Variants in PXDNL observed in about 807,000 individuals in gnomAD.
PXDNL encodes peroxidasin like.
In PXDNL, 145 loss-of-function variants were observed where a neutral mutation model predicts 150.8. That is an observed-to-expected ratio of 0.96 (90% CI 0.84 to 1.10). The LOEUF (loss-of-function observed/expected upper bound fraction) is 1.10. Among genes scored for constraint, PXDNL ranks in the 50% least tolerant of loss-of-function variants. The probability of loss-of-function intolerance (pLI) is 0.00; values close to 1 mark genes in which losing one functional copy is unlikely to be tolerated. For synonymous variants in PXDNL, 757 were observed against 725.7 expected, an observed-to-expected ratio of 1.04 and a Z score of -0.69; for missense variants, 2,087 against 1,873.9, an observed-to-expected ratio of 1.11 and a Z score of -2.10.
At chr8:51,701,759 A>G (rs1816262935) in intron 1 of PXDNL, among the ~76,000 whole-genome samples, 1 of 152,296 alleles carries the variant, frequency 6.6e-6, no homozygotes, top group Admixed American at 6.5e-5. Context: ...AATAAAGGGA[A>G]GTTGAGATAC....
At chr8:51,734,040 A>C (rs1816987074) in intron 1 of PXDNL, among the ~76,000 whole-genome samples, 1 of 151,962 alleles carries the variant, frequency 6.6e-6, no homozygotes, top group East Asian at 1.9e-4. Flanking sequence ...TGTATCTTTC[A>C]AGCTGAGGAA....
intron 1 of PXDNL, among the ~76,000 whole-genome samples, chr8:51,686,266 G>T (rs1815869477): frequency 6.6e-6 from 1 of 152,196 alleles, no homozygotes; most frequent in Non-Finnish European, 1.5e-5. Context: ...CCAAAGCAAT[G>T]GCTTGGCATG....
intron 1 of PXDNL, among the ~76,000 whole-genome samples, chr8:51,662,714 G>A (rs575723853): frequency 1.3e-5 from 2 of 152,092 alleles, no homozygotes; most frequent in Non-Finnish European, 2.9e-5. Context: ...GAACAGCTAC[G>A]GATTTTGATA....
chr8:51,786,838 G>T (rs1020158674), intron 1 of PXDNL, among the ~76,000 whole-genome samples: 6 of 152,148 alleles, frequency 3.9e-5, no homozygotes, highest in Non-Finnish European at 7.4e-5. Context: ...TAAGACTTTT[G>T]TAGCAAGAAA....
At chr8:51,589,745 C>T (rs1165208052) in intron 3 of PXDNL, among the ~76,000 whole-genome samples, 1 of 152,018 alleles carries the variant, frequency 6.6e-6, no homozygotes, top group Non-Finnish European at 1.5e-5. Context: ...TAACCACATG[C>T]ATTGAGAAGC....
intron 2 of PXDNL, among the ~76,000 whole-genome samples, chr8:51,649,164 T>C (rs796409497): frequency 5.9e-5 from 9 of 152,232 alleles, no homozygotes; most frequent in African/African-American, 2.2e-4. Flanking sequence ...GAAACCTCTT[T>C]GGCTGGTAAC....
intron 21 of PXDNL, among the ~76,000 whole-genome samples, chr8:51,325,597 G>A (rs533905090): frequency 6.6e-6 from 1 of 152,246 alleles, no homozygotes; most frequent in African/African-American, 2.4e-5. Context: ...ATCACCCCCT[G>A]GTAAATGGAG....
rs186425919 is a variant in PXDNL at position 51,625,702 on chromosome 8, G to A, written c.236+28987C>T. Among the ~76,000 whole-genome samples, 35 of 152,262 alleles carry A rather than the reference G, an allele frequency of 2.3e-4. 1 individual carries two copies. In the South Asian group the frequency reaches 2.7e-3, roughly 12 times the overall value. On this transcript the variant is annotated intron_variant, in intron 2 of 22. Coordinates refer to ENST00000356297, the MANE Select transcript of PXDNL (RefSeq NM_144651.5). Reference sequence around the variant, plus strand: ...AAGTTGGTAAGTTGGAAAGAACAACGTAGAAAGTTATAGTCACACAATTGA... The same window carrying A: ...AAGTTGGTAAGTTGGAAAGAACAACATAGAAAGTTATAGTCACACAATTGA...
At chr8:51,389,651 C>T (rs1807830218) in intron 17 of PXDNL, among the ~76,000 whole-genome samples, 2 of 152,178 alleles carry the variant, frequency 1.3e-5, no homozygotes, top group South Asian at 2.1e-4. Context: ...TTCTCCCTGG[C>T]TTTTAAGTTT....
At chr8:51,524,464 A>T (rs556385417) in intron 4 of PXDNL, among the ~76,000 whole-genome samples, 1 of 152,334 alleles carries the variant, frequency 6.6e-6, no homozygotes, top group African/African-American at 2.4e-5. Flanking sequence ...AATAGCTTTC[A>T]AAAACCACTT....
rs922681272 is a variant in PXDNL, at chr8:51,408,775, T to G, written c.2849A>C (p.Glu950Ala). ...GTCCCCGGCCAGGAAACAGGGGCTCTCCTGCTCCTGTCGCGCGCACTCGGT... is the reference window on the plus strand; with the variant it reads ...GTCCCCGGCCAGGAAACAGGGGCTCGCCTGCTCCTGTCGCGCGCACTCGGT... ...PPTECARQEQ[E>A]SPCFLAGDHR... The change falls in exon 17 of 23, where the codon GAG (glutamate) becomes GCG (alanine). Residue 950 changes from glutamate (E) to alanine (A), a missense_variant. Glu to Ala is a moderately radical substitution (Grantham distance 107). Coordinates refer to ENST00000356297, the MANE Select transcript of PXDNL (RefSeq NM_144651.5). 6.3e-7 allele frequency: 1 copy of G among 1,580,918 alleles called. No homozygotes were observed. The highest frequency in any genetic ancestry group is 1.4e-5 in the African/African-American group (1 of 73,964).
chr8:51,590,730 T>C (rs923187040), intron 3 of PXDNL, among the ~76,000 whole-genome samples: 4 of 152,056 alleles, frequency 2.6e-5, no homozygotes, highest in African/African-American at 9.7e-5. Flanking sequence ...ATCTTGTTTT[T>C]TTTTATTTCA....
At chr8:51,664,207 C>T (rs1224305208) in intron 1 of PXDNL, among the ~76,000 whole-genome samples, 3 of 152,092 alleles carry the variant, frequency 2.0e-5, no homozygotes, top group Admixed American at 6.5e-5. Flanking sequence ...AAGTCTAACT[C>T]GGAGGTCATC....
intron 2 of PXDNL, among the ~76,000 whole-genome samples, chr8:51,619,965 A>G (rs1174741372): frequency 1.3e-5 from 2 of 152,160 alleles, no homozygotes; most frequent in African/African-American, 4.8e-5. Flanking sequence ...GAAGGCTCCC[A>G]TATCTCAAAA....
At chr8:51,568,141 C>T (rs568853213) in intron 3 of PXDNL, among the ~76,000 whole-genome samples, 36 of 151,416 alleles carry the variant, frequency 2.4e-4, no homozygotes, top group African/African-American at 7.3e-4. Flanking sequence ...AATTTTTATC[C>T]GTTATATCAA....
intron 17 of PXDNL, among the ~76,000 whole-genome samples, chr8:51,384,513 A>C (rs1443300708): frequency 6.6e-6 from 1 of 151,782 alleles, no homozygotes; most frequent in African/African-American, 2.4e-5. Context: ...TAATTTCCTC[A>C]AAAATCTTAA....
At chr8:51,364,705 A>G (rs551420997) in intron 19 of PXDNL, among the ~76,000 whole-genome samples, 27 of 152,320 alleles carry the variant, frequency 1.8e-4, no homozygotes, top group African/African-American at 5.5e-4. Context: ...AGTCAGAAAC[A>G]GAACACGGAT....
intron 1 of PXDNL, among the ~76,000 whole-genome samples, chr8:51,718,826 C>T (rs1196261243): frequency 6.6e-6 from 1 of 152,220 alleles, no homozygotes; most frequent in Non-Finnish European, 1.5e-5. Context: ...AGCTCCTCCA[C>T]TGATTTTACA....
At chr8:51,806,165 T>C (rs1228862954) in intron 1 of PXDNL, among the ~76,000 whole-genome samples, 1 of 152,182 alleles carries the variant, frequency 6.6e-6, no homozygotes, top group Admixed American at 6.6e-5. Flanking sequence ...TAACCAATCT[T>C]AAAAATAATA....
Sources: allele counts gnomAD v4.1 joint callset (sites outside exome capture counted in the v4.1 genomes callset), GRCh38; gene constraint gnomAD v4.1.1; transcripts MANE v1.5; gene names NCBI Gene and HGNC (gene_info 2026-07-23, HGNC 2026-07-21).